Variants in PML observed in about 807,000 individuals in gnomAD.
PML encodes the protein protein PML.
In PML, 28 loss-of-function variants were observed where a neutral mutation model predicts 65.2. The observed-to-expected ratio is 0.43, with a 90% CI of 0.32 to 0.59. PML has a LOEUF of 0.59. Among genes scored for constraint, PML ranks in the 20% least tolerant of loss-of-function variants. The probability of loss-of-function intolerance (pLI) is 0.08; values close to 1 mark genes in which losing one functional copy is unlikely to be tolerated. For synonymous variants in PML, 500 were observed against 508.8 expected (o/e 0.98, Z 0.23); for missense variants, 1,021 against 1,203.4 (o/e 0.85, Z 2.24).
intron 2 of PML, among the ~76,000 whole-genome samples, chr15:73,999,054 C>G (rs1221806746): frequency 6.6e-6 from 1 of 152,192 alleles, no homozygotes; most frequent in East Asian, 1.9e-4. Context: ...TCGTACAGTT[C>G]ACGAACAAAA....
At chr15:74,044,171 A>C in intron 8 of PML, 50 bp from the exon 9 acceptor site, 10 of 1,588,684 alleles carry the variant, frequency 6.3e-6, no homozygotes, top group Non-Finnish European at 7.8e-6. Flanking sequence ...CTCCCACCCC[A>C]GAGCTCTCTG....
chr15:73,998,059 C>T lies in PML; in HGVS notation c.185C>T (p.Ala62Val), dbSNP rs1567115231. ...TTTCTGCGCTGCCAGCAATGCCAGG[C>T]GGAAGCCAAGTGCCCGAAGCTGCTG... is the stretch of plus-strand genomic sequence containing the variant. ...FQFLRCQQCQ[A>V]EAKCPKLLPC... The change falls in exon 2 of 9, where the codon GCG becomes GTG. Residue 62 changes from alanine (A) to valine (V), a missense_variant. Ala to Val is a moderately conservative substitution (Grantham distance 64). Transcript: ENST00000268058. 2.5e-6 allele frequency: 4 copies of T among 1,613,262 alleles called. No individual in the cohort carries two copies. Among genetic ancestry groups the T allele is most frequent in the Non-Finnish European group, 3.4e-6 (4 of 1,179,998 alleles).
chr15:74,020,286 C>G (rs1356789151), intron 2 of PML, among the ~76,000 whole-genome samples: 1 of 137,244 alleles, frequency 7.3e-6, no homozygotes, highest in Admixed American at 7.9e-5. Context: ...CTGACTTATT[C>G]CTTTTTTTTT....
chr15:74,016,816 A>ATTTTTTTTTT, intron 2 of PML, among the ~76,000 whole-genome samples: 1 of 14,110 alleles, frequency 7.1e-5, no homozygotes, highest in East Asian at 2.2e-3. Context: ...TTTTTTTTTG[A>ATTTTTTTTTT]GATGGAGTCT....
rs2071371711 is a variant in PML, at chr15:74,032,590, G to A, written c.1273G>A (p.Val425Met). 2 of 1,614,142 alleles carry A rather than the reference G, an allele frequency of 1.2e-6. No homozygotes were observed. Among genetic ancestry groups the A allele is most frequent in the Non-Finnish European group, 1.7e-6 (2 of 1,180,008 alleles). ...TTTGCAGCCCGAGGAGGCAGAGAGAGTGAAGGCCCAGGTTCAGGCCCTGGG... is the reference window on the plus strand; with the variant it reads ...TTTGCAGCCCGAGGAGGCAGAGAGAATGAAGGCCCAGGTTCAGGCCCTGGG... ...DVDLPEEAERVKAQVQALGLA... is the reference protein window; with the variant it reads ...DVDLPEEAERMKAQVQALGLA... Residue 425 changes from valine (V) to methionine (M), a missense_variant, in exon 5 of 9, where the codon GTG (valine) becomes ATG (methionine). Coordinates refer to ENST00000268058, the MANE Select transcript of PML (RefSeq NM_033238.3).
intron 2 of PML, among the ~76,000 whole-genome samples, chr15:74,013,709 C>G (rs1281869463): frequency 6.6e-6 from 1 of 152,154 alleles, no homozygotes; most frequent in Non-Finnish European, 1.5e-5. Context: ...ATCAAATTAT[C>G]TTTTCTCTTA....
In PML at chr15:74,047,741, C is replaced by G. The variant is rs1263794990; in HGVS notation, c.*2733C>G. 1 of 187,444 alleles carries G rather than the reference C, an allele frequency of 5.3e-6. No homozygotes were observed. Among genetic ancestry groups the G allele is most frequent in the Non-Finnish European group, 1.1e-5 (1 of 89,064 alleles). 11.6% of individuals were successfully genotyped at this position (187,444 alleles called of 1,614,324 possible). A position where few individuals can be genotyped will look rare whatever the true frequency, so the allele number is the denominator to read the frequency against. On this transcript the variant is annotated 3_prime_UTR_variant, in exon 9 of 9. Coordinates refer to ENST00000268058, the MANE Select transcript of PML (RefSeq NM_033238.3). ...CTTTTTGGTATATTTTAAAAGTGCACAAATTTAAGATCTTACTGCTTTATA... is the reference window on the plus strand; with the variant it reads ...CTTTTTGGTATATTTTAAAAGTGCAGAAATTTAAGATCTTACTGCTTTATA...
intron 4 of PML, chr15:74,031,213 G>A (rs1193785982): frequency 7.0e-6 from 3 of 426,048 alleles, no homozygotes; most frequent in Admixed American, 2.6e-5. Context: ...TCTGGGCATT[G>A]CATGTAAATA....
At chr15:74,016,958 G>A (rs1242763245) in intron 2 of PML, among the ~76,000 whole-genome samples, 3 of 151,540 alleles carry the variant, frequency 2.0e-5, no homozygotes, top group African/African-American at 4.9e-5. Context: ...CACCATGCCC[G>A]GCCAATTTTT....
chr15:74,044,832 C>T lies in PML; in HGVS notation c.2473C>T (p.Arg825Cys). The part of the protein sequence containing the change: ...DRQGGLKKYS[R>C]YLSLQTTTLP... ...GCAGGGGGGCCTGAAGAAGTACAGCCGCTATCTAAGCCTGCAGACCACCAC... is the reference window on the plus strand; with the variant it reads ...GCAGGGGGGCCTGAAGAAGTACAGCTGCTATCTAAGCCTGCAGACCACCAC... The change falls in exon 9 of 9, where the codon CGC becomes TGC. Residue 825 changes from arginine (R) to cysteine (C), a missense_variant. Physicochemically the swap from Arg to Cys is radical, Grantham distance 180 (BLOSUM62 -3). Transcript: ENST00000268058. 1.2e-6 allele frequency: 2 copies of T among 1,613,330 alleles called. No individual in the cohort carries two copies. The highest frequency in any genetic ancestry group is 8.5e-7 in the Non-Finnish European group (1 of 1,180,034).
chr15:74,040,954 T>C (rs896581332), intron 7 of PML, among the ~76,000 whole-genome samples: 2 of 152,160 alleles, frequency 1.3e-5, no homozygotes, highest in African/African-American at 4.8e-5. Context: ...ATGACCCTGC[T>C]GTAACGATGG....
At chr15:74,013,599 G>A (rs77139754) in intron 2 of PML, among the ~76,000 whole-genome samples, 1 of 152,200 alleles carries the variant, frequency 6.6e-6, no homozygotes, top group Non-Finnish European at 1.5e-5. Context: ...TGTAACAGTA[G>A]GTGAGGTGTT....
chr15:74,026,236 T>C (rs1176599841), intron 4 of PML: 1 of 152,462 alleles, frequency 6.6e-6, no homozygotes, highest in East Asian at 1.9e-4. Flanking sequence ...AGTGGCGTGA[T>C]CTCGGCTCAC....
At position 73,998,312 on chromosome 15, in the gene PML, C is replaced by A; in HGVS notation, c.438C>A (p.Leu146=). The A allele has an allele frequency of 1.9e-6, 3 of 1,614,200 alleles. No homozygotes were observed. In the South Asian group the frequency reaches 3.3e-5, roughly 18 times the overall value. Residue 146 remains leucine (L), a synonymous_variant, in exon 2 of 9, where the codon CTC becomes CTA. Coordinates refer to ENST00000268058, the MANE Select transcript of PML (RefSeq NM_033238.3). ...ADFWCFECEQ[L]LCAKCFEAHQ... is the part of the protein sequence containing the mutation. ...TCTGGTGCTTTGAGTGCGAGCAGCT[C>A]CTCTGCGCCAAGTGCTTCGAGGCAC...
intron 2 of PML, among the ~76,000 whole-genome samples, chr15:74,013,230 T>C (rs1209855031): frequency 3.3e-5 from 5 of 152,234 alleles, no homozygotes; most frequent in African/African-American, 7.2e-5. Flanking sequence ...TCTCATTTTC[T>C]TCTTTTTCTT....
intron 2 of PML, among the ~76,000 whole-genome samples, chr15:74,004,655 T>C (rs1304837070): frequency 1.3e-5 from 2 of 152,174 alleles, no homozygotes; most frequent in African/African-American, 4.8e-5. Context: ...TCGCCATTGT[T>C]GATCTGAAAA....
intron 2 of PML, among the ~76,000 whole-genome samples, chr15:74,016,403 G>GA (rs1024498159): frequency 4.6e-5 from 7 of 151,178 alleles, no homozygotes; most frequent in South Asian, 2.1e-4. Flanking sequence ...CCCTGTCTCT[G>GA]AAAAAAAAAT....
Position 74,044,461 on chromosome 15 carries a change from A to C in PML, c.2102A>C (p.Gln701Pro). Residue 701 changes from glutamine to proline, a missense_variant, in exon 9 of 9, where the codon CAG becomes CCG. Gln to Pro is a moderately conservative substitution (Grantham distance 76, BLOSUM62 -1). Coordinates refer to ENST00000268058, the MANE Select transcript of PML (RefSeq NM_033238.3). ...LEDINRLWEF[Q>P]EAISGFLAAL... is the part of the protein sequence containing the mutation. ...GACATTAACAGGCTGTGGGAATTCC[A>C]GGAGGCCATCTCGGGCTTCCTGGCT... 1 of 1,614,118 alleles carries C rather than the reference A, an allele frequency of 6.2e-7. No homozygotes were observed. The highest frequency in any genetic ancestry group is 8.5e-7 in the Non-Finnish European group (1 of 1,179,992).
chr15:74,012,601 T>C (rs1466186364), intron 2 of PML, among the ~76,000 whole-genome samples: 1 of 152,238 alleles, frequency 6.6e-6, no homozygotes, highest in Non-Finnish European at 1.5e-5. Context: ...GAAGCCACCA[T>C]GCCCAGCCCC....
Sources: allele counts gnomAD v4.1 joint callset (sites outside exome capture counted in the v4.1 genomes callset), GRCh38; gene constraint gnomAD v4.1.1; transcripts MANE v1.5; gene names NCBI Gene and HGNC (gene_info 2026-07-23, HGNC 2026-07-21).